PDE10A: variants seen among roughly 807,000 people sequenced by gnomAD.
PDE10A encodes the protein cAMP and cAMP-inhibited cGMP 3',5'-cyclic phosphodiesterase 10A.
In PDE10A, 39 loss-of-function variants were observed where a neutral mutation model predicts 97.7. The observed-to-expected ratio is 0.40, with a 90% CI of 0.31 to 0.52. The LOEUF (loss-of-function observed/expected upper bound fraction) is 0.52. Ranked by LOEUF, PDE10A falls within the 20% of genes least tolerant of loss-of-function variation. The pLI, the probability that PDE10A is intolerant of heterozygous loss-of-function variation, is 0.56. For synonymous variants in PDE10A, 371 were observed against 376.8 expected, an observed-to-expected ratio of 0.98 and a Z score of 0.18; for missense variants, 731 against 1,047.8, an observed-to-expected ratio of 0.70 and a Z score of 4.17.
rs183732072 is a variant in PDE10A, at chr6:165,428,584, A to G, written c.1653+74T>C. The stretch of plus-strand genomic sequence containing the variant: ...AAAGTGCCTGTGGATGAATAAGTTT[A>G]AATGTTATGCCATATATTAGCACCA... On this transcript the variant is annotated intron_variant, in intron 10 of 21. Coordinates refer to ENST00000539869, the MANE Select transcript of PDE10A (RefSeq NM_001385079.1). 2.0e-4 allele frequency: 135 copies of G among 673,322 alleles called. 1 individual carries two copies. In the African/African-American group the frequency reaches 2.3e-3, roughly 12 times the overall value. 41.7% of individuals were successfully genotyped at this position (673,322 alleles called of 1,614,324 possible).
At chr6:165,347,526 A>G (rs1422651499) in intron 18 of PDE10A, among the ~76,000 whole-genome samples, 1 of 152,220 alleles carries the variant, frequency 6.6e-6, no homozygotes, top group Non-Finnish European at 1.5e-5. Context: ...AATAAATTAT[A>G]AACGAATGGA....
intron 1 of PDE10A, among the ~76,000 whole-genome samples, chr6:165,852,583 G>A (rs889527138): frequency 6.6e-6 from 1 of 152,214 alleles, no homozygotes; most frequent in Non-Finnish European, 1.5e-5. Context: ...AAATCTTCCT[G>A]TGAACAGAGT....
At chr6:165,669,279 A>G (rs1204141069) in intron 1 of PDE10A, among the ~76,000 whole-genome samples, 1 of 152,212 alleles carries the variant, frequency 6.6e-6, no homozygotes, top group Non-Finnish European at 1.5e-5. Context: ...TAACTCTCAG[A>G]CTGGGAGTTA....
rs753199068 is a variant in PDE10A at position 165,436,527 on chromosome 6, AT to A, written c.1195-1151del. On this transcript the variant is annotated intron_variant, in intron 5 of 21. Coordinates refer to ENST00000539869, the MANE Select transcript of PDE10A (RefSeq NM_001385079.1). ...TGGGTACTTGAAATTAATAACAATT[AT>A]AAATGATTAGAAGCTAAGTTCAAAA... Among the ~76,000 whole-genome samples, 7 of 152,310 alleles carry A rather than the reference AT, an allele frequency of 4.6e-5. No individual in the cohort carries two copies. The East Asian group carries it at 5.8e-4, about 13-fold the overall frequency.
intron 1 of PDE10A, among the ~76,000 whole-genome samples, chr6:165,619,532 GTCTAA>G (rs1219986684): frequency 0.014 from 980 of 69,288 alleles, 297 homozygotes; most frequent in Non-Finnish European, 0.019. Flanking sequence ...GTGTAGTGTA[GTCTAA>G]TGTAGTGTAG....
At chr6:165,588,422 C>A (rs1427720353) in intron 1 of PDE10A, among the ~76,000 whole-genome samples, 1 of 150,866 alleles carries the variant, frequency 6.6e-6, no homozygotes, top group Non-Finnish European at 1.5e-5. Context: ...TCTAGAGTAG[C>A]TGGGATTACA....
chr6:165,700,759 C>A (rs575100852), intron 1 of PDE10A, among the ~76,000 whole-genome samples: 2 of 152,338 alleles, frequency 1.3e-5, no homozygotes, highest in East Asian at 3.9e-4. Flanking sequence ...TTACTAGATT[C>A]TTCATATCAC....
intron 1 of PDE10A, among the ~76,000 whole-genome samples, chr6:165,796,544 A>G (rs184040670): frequency 8.5e-5 from 13 of 152,344 alleles, no homozygotes; most frequent in Admixed American, 7.8e-4. Context: ...TATATAAATC[A>G]ATGTGGTTAT....
At chr6:165,699,911 A>T (rs567298169) in intron 1 of PDE10A, among the ~76,000 whole-genome samples, 176 of 152,266 alleles carry the variant, frequency 1.2e-3, no homozygotes, top group African/African-American at 4.1e-3. Flanking sequence ...CTAACTTTTC[A>T]CCTTAAGACA....
At chr6:165,917,913 CT>C (rs1026461615) in intron 1 of PDE10A, among the ~76,000 whole-genome samples, 12 of 152,224 alleles carry the variant, frequency 7.9e-5, no homozygotes, top group African/African-American at 2.9e-4. Context: ...CCCAGACCCC[CT>C]GTTCCTCCTG....
chr6:165,762,837 C>A (rs1440463234), intron 1 of PDE10A, among the ~76,000 whole-genome samples: 2 of 152,158 alleles, frequency 1.3e-5, no homozygotes, highest in East Asian at 3.8e-4. Flanking sequence ...ACACCAGGTG[C>A]CTGTCCCTTC....
chr6:165,433,095 G>A lies in PDE10A; in HGVS notation c.1370C>T (p.Ser457Leu). The A allele has an allele frequency of 1.2e-6, 2 of 1,613,498 alleles. No homozygotes were observed. The highest frequency in any genetic ancestry group is 1.7e-6 in the Non-Finnish European group (2 of 1,179,524). Residue 457 changes from serine to leucine, a missense_variant, in exon 7 of 22, where the codon TCA becomes TTA. Physicochemically the swap from Ser to Leu is moderately radical, Grantham distance 145 (BLOSUM62 -2). Transcript: ENST00000539869. ...ERFPRGTGLESGTRIQSVLCL... is the reference protein window; with the variant it reads ...ERFPRGTGLELGTRIQSVLCL... ...AAGAACAGACTGGATACGAGTCCCTGATTCCAGTCCAGTACCTCTTGGAAA... is the reference window on the plus strand; with the variant it reads ...AAGAACAGACTGGATACGAGTCCCTAATTCCAGTCCAGTACCTCTTGGAAA...
At chr6:165,442,183 T>C (rs1406012709) in intron 5 of PDE10A, among the ~76,000 whole-genome samples, 3 of 152,206 alleles carry the variant, frequency 2.0e-5, no homozygotes, top group Admixed American at 1.3e-4. Context: ...AGGGTACATG[T>C]GCACAACGTG....
chr6:165,634,382 T>A (rs369242656), intron 1 of PDE10A, among the ~76,000 whole-genome samples: 1 of 152,160 alleles, frequency 6.6e-6, no homozygotes, highest in East Asian at 1.9e-4. Context: ...AAGCTGAACC[T>A]GAGTCCTGCA....
intron 1 of PDE10A, among the ~76,000 whole-genome samples, chr6:165,719,161 A>G (rs956337090): frequency 2.6e-5 from 4 of 152,188 alleles, no homozygotes; most frequent in African/African-American, 7.2e-5. Context: ...TCAGGACAGA[A>G]AAAAAAGCAA....
chr6:165,855,313 G>T (rs969848616), intron 1 of PDE10A, among the ~76,000 whole-genome samples: 14 of 151,176 alleles, frequency 9.3e-5, no homozygotes, highest in East Asian at 2.0e-4. Flanking sequence ...GGCGGGGGGG[G>T]GGGGGGACTC....
At chr6:165,916,821 C>T (rs1415959706) in intron 1 of PDE10A, among the ~76,000 whole-genome samples, 3 of 152,168 alleles carry the variant, frequency 2.0e-5, no homozygotes, top group African/African-American at 7.2e-5. Context: ...AAGGGCCACC[C>T]TTATTGTCAT....
chr6:165,526,758 C>T (rs1035330359), intron 2 of PDE10A, among the ~76,000 whole-genome samples: 2 of 152,196 alleles, frequency 1.3e-5, no homozygotes, highest in Admixed American at 6.5e-5. Flanking sequence ...ACCTGGTATG[C>T]AGCCACTGAC....
chr6:165,567,710 T>C (rs1485368661), intron 1 of PDE10A, among the ~76,000 whole-genome samples: 2 of 152,160 alleles, frequency 1.3e-5, no homozygotes, highest in Admixed American at 6.5e-5. Context: ...AGGCATTTTA[T>C]TGGTCTTTTC....
Sources: gnomAD v4.1 joint callset for allele counts (sites outside exome capture counted in the v4.1 genomes callset) on GRCh38, gnomAD v4.1.1 for gene constraint, MANE v1.5 for transcripts, NCBI Gene and HGNC (gene_info 2026-07-23, HGNC 2026-07-21) for gene names.